The following CSMD1 variants were observed in gnomAD, a reference collection of about 807,000 sequenced individuals.
CSMD1 encodes the protein CUB and sushi domain-containing protein 1.
In CSMD1, 213 loss-of-function variants were observed where a neutral mutation model predicts 417.5. The ratio of observed to expected loss-of-function variants is 0.51; its 90% CI spans 0.46 to 0.57. The LOEUF (loss-of-function observed/expected upper bound fraction) is 0.57. Among genes scored for constraint, CSMD1 ranks in the 20% least tolerant of loss-of-function variants. CSMD1 has a pLI of 0.00. For missense variants in CSMD1, 6,923 were observed against 4,529.7 expected (o/e 1.53, Z -15.17); for synonymous variants, 2,862 against 1,736.8 (o/e 1.65, Z -16.11).
intron 32 of CSMD1, among the ~76,000 whole-genome samples, chr8:3,201,337 C>T (rs771752160): frequency 9.9e-5 from 15 of 152,070 alleles, no homozygotes; most frequent in Non-Finnish European, 2.1e-4. Flanking sequence ...AGTTGATTAT[C>T]CCACCCTCTT....
chr8:4,680,162 G>C (rs969669607), intron 1 of CSMD1, among the ~76,000 whole-genome samples: 1 of 152,196 alleles, frequency 6.6e-6, no homozygotes, highest in Non-Finnish European at 1.5e-5. Flanking sequence ...AGTGTATGTA[G>C]AATCAGACCT....
rs369219635 is a variant in CSMD1, at chr8:4,698,585, G to A, written c.86-61027C>T. 1.4e-3 allele frequency among the ~76,000 whole-genome samples: 182 copies of A among 134,172 alleles called. 2 individuals carry two copies. In the South Asian group the frequency reaches 0.018, roughly 14 times the overall value. 88.0% of individuals were successfully genotyped at this position (134,172 alleles called of 152,430 possible). On this transcript the variant is annotated intron_variant, in intron 1 of 69. Coordinates refer to ENST00000635120, the MANE Select transcript of CSMD1 (RefSeq NM_033225.6). ...TTAAAGATAACTGTTTTTATACAAT[G>A]GAAATGATAGAAATTTTTTTTTTTT...
At chr8:3,442,430 T>C (rs890482223) in intron 12 of CSMD1, among the ~76,000 whole-genome samples, 3 of 152,214 alleles carry the variant, frequency 2.0e-5, no homozygotes, top group African/African-American at 7.2e-5. Context: ...CTTATACAGA[T>C]GTCCCACTTT....
chr8:4,364,475 A>G (rs1031145873), intron 3 of CSMD1, among the ~76,000 whole-genome samples: 14 of 152,142 alleles, frequency 9.2e-5, no homozygotes, highest in African/African-American at 3.4e-4. Context: ...TAGTAATACA[A>G]TTTCCTCTCT....
chr8:3,218,816 G>T (rs1241877493), intron 29 of CSMD1, among the ~76,000 whole-genome samples: 2 of 151,930 alleles, frequency 1.3e-5, no homozygotes, highest in East Asian at 3.9e-4. Flanking sequence ...AGGTTGCAGC[G>T]AGCTGACATC....
chr8:3,786,016 G>A (rs1584995504), intron 5 of CSMD1, among the ~76,000 whole-genome samples: 2 of 152,262 alleles, frequency 1.3e-5, no homozygotes, highest in South Asian at 2.1e-4. Flanking sequence ...GTGGGCATTG[G>A]GGTGAAGAAA....
At chr8:3,248,133 G>A (rs1472003563) in intron 26 of CSMD1, among the ~76,000 whole-genome samples, 1 of 152,146 alleles carries the variant, frequency 6.6e-6, no homozygotes, top group African/African-American at 2.4e-5. Context: ...TTTGAGACCA[G>A]CCTGGGCAAA....
intron 5 of CSMD1, among the ~76,000 whole-genome samples, chr8:3,856,421 T>C (rs1804315774): frequency 6.6e-6 from 1 of 152,282 alleles, no homozygotes; most frequent in Non-Finnish European, 1.5e-5. Flanking sequence ...TACTTCTTTA[T>C]AGCAATGCAA....
chr8:3,630,810 G>C (rs893323418), intron 7 of CSMD1, among the ~76,000 whole-genome samples: 1 of 152,190 alleles, frequency 6.6e-6, no homozygotes, highest in African/African-American at 2.4e-5. Flanking sequence ...GATTTGGAAG[G>C]TCAAGAGTTC....
In CSMD1 at chr8:3,189,462, G is replaced by A. The variant is rs150049171; in HGVS notation, c.5398+450C>T. Among the ~76,000 whole-genome samples, 32 of 152,320 alleles carry A rather than the reference G, an allele frequency of 2.1e-4. 1 individual carries two copies. The highest frequency in any genetic ancestry group is 7.0e-4 in the African/African-American group (29 of 41,570). On this transcript the variant is annotated intron_variant, in intron 34 of 69. Coordinates refer to ENST00000635120, the MANE Select transcript of CSMD1 (RefSeq NM_033225.6). The stretch of plus-strand genomic sequence containing the variant: ...TGATTCAAGTGCTAATCATGATTGC[G>A]CTGGAGCTTTCCACACAAAATGAAG...
chr8:3,927,333 T>C (rs1171356301), intron 5 of CSMD1, among the ~76,000 whole-genome samples: 1 of 151,938 alleles, frequency 6.6e-6, no homozygotes, highest in Non-Finnish European at 1.5e-5. Flanking sequence ...AAGAACTTTA[T>C]GAGTATTCAA....
At chr8:4,928,124 A>G (rs1585346626) in intron 1 of CSMD1, among the ~76,000 whole-genome samples, 1 of 151,076 alleles carries the variant, frequency 6.6e-6, no homozygotes, top group Non-Finnish European at 1.5e-5. Flanking sequence ...TTGCTATTCC[A>G]CCCCAGCCTC....
intron 49 of CSMD1, among the ~76,000 whole-genome samples, chr8:3,076,574 C>T (rs1218512651): frequency 6.6e-6 from 1 of 152,192 alleles, no homozygotes; most frequent in African/African-American, 2.4e-5. Flanking sequence ...CGGAGATGCT[C>T]CGATTGCTGG....
rs901125374 is a variant in CSMD1, at chr8:3,636,801, G to A, written c.1010-20004C>T. ...CACTTCCACACTTTGAGTTTCATACGATCATATCTTTTCTTTATTTTTTGC... is the reference window on the plus strand; with the variant it reads ...CACTTCCACACTTTGAGTTTCATACAATCATATCTTTTCTTTATTTTTTGC... On this transcript the variant is annotated intron_variant, in intron 7 of 69. Transcript: ENST00000635120. Among the ~76,000 whole-genome samples the A allele has an allele frequency of 2.6e-5, 4 of 152,204 alleles. No homozygotes were observed. In the East Asian group the frequency reaches 5.8e-4, roughly 22 times the overall value.
intron 3 of CSMD1, among the ~76,000 whole-genome samples, chr8:4,224,826 T>C (rs577438730): frequency 4.8e-4 from 73 of 152,292 alleles, no homozygotes; most frequent in African/African-American, 1.8e-3. Context: ...CATGGGAGGA[T>C]ATATAGGGCG....
At chr8:4,306,747 C>T (rs1367842544) in intron 3 of CSMD1, among the ~76,000 whole-genome samples, 2 of 152,092 alleles carry the variant, frequency 1.3e-5, no homozygotes, top group Non-Finnish European at 2.9e-5. Flanking sequence ...CCGACCGCAG[C>T]AGGGTAGTGT....
intron 1 of CSMD1, among the ~76,000 whole-genome samples, chr8:4,779,728 A>T (rs1281455502): frequency 6.6e-6 from 1 of 152,116 alleles, no homozygotes; most frequent in Non-Finnish European, 1.5e-5. Context: ...ACCAAAGGAA[A>T]GTGTAAATAA....
At chr8:3,179,096 C>T (rs563534853) in intron 37 of CSMD1, among the ~76,000 whole-genome samples, 2 of 151,778 alleles carry the variant, frequency 1.3e-5, no homozygotes, top group East Asian at 2.0e-4. Flanking sequence ...TACAGGCCCG[C>T]CACCACGCCT....
intron 12 of CSMD1, among the ~76,000 whole-genome samples, chr8:3,411,991 CGTGTAT>C (rs1812801830): frequency 1.4e-5 from 1 of 72,030 alleles, no homozygotes; most frequent in African/African-American, 6.6e-5. Context: ...CGTATATATA[CGTGTAT>C]ATACACGTAT....
Sources: gnomAD v4.1 joint callset for allele counts (sites outside exome capture counted in the v4.1 genomes callset) on GRCh38, gnomAD v4.1.1 for gene constraint, MANE v1.5 for transcripts, NCBI Gene and HGNC (gene_info 2026-07-23, HGNC 2026-07-21) for gene names.